Variants in PLD5 observed in about 807,000 individuals in gnomAD.
PLD5 encodes inactive phospholipase D5.
Under a neutral mutation model 61.1 loss-of-function variants are expected in PLD5, and 36 were observed. That is an observed-to-expected ratio of 0.59 (90% confidence interval 0.45 to 0.78). PLD5 has a LOEUF of 0.78. Ranked by LOEUF, PLD5 falls within the 30% of genes least tolerant of loss-of-function variation. The pLI is 0.00. For missense variants in PLD5, 515 were observed against 644.4 expected (o/e 0.80, Z 2.17); for synonymous variants, 243 against 242.8 (o/e 1.00, Z -0.01).
intron 9 of PLD5, among the ~76,000 whole-genome samples, chr1:242,090,654 C>T (rs1235612756): frequency 6.6e-6 from 1 of 152,190 alleles, no homozygotes; most frequent in African/African-American, 2.4e-5. Context: ...GGAAGTGGGG[C>T]AGGTGCTATG....
intron 1 of PLD5, among the ~76,000 whole-genome samples, chr1:242,499,945 G>A (rs764443580): frequency 1.1e-4 from 16 of 152,248 alleles, no homozygotes; most frequent in East Asian, 5.8e-4. Context: ...ATGACCAAAC[G>A]GGGGCTCAAC....
At chr1:242,121,084 T>C (rs1053865961) in intron 6 of PLD5, among the ~76,000 whole-genome samples, 1 of 152,212 alleles carries the variant, frequency 6.6e-6, no homozygotes, top group East Asian at 1.9e-4. Context: ...TATTTTAAGA[T>C]ACAACAAATA....
chr1:242,237,965 T>C (rs1427463562), intron 4 of PLD5, among the ~76,000 whole-genome samples: 1 of 152,194 alleles, frequency 6.6e-6, no homozygotes, highest in Non-Finnish European at 1.5e-5. Flanking sequence ...CCGATGTGTC[T>C]GAACCCTACC....
At chr1:242,107,632 T>C in intron 8 of PLD5, 39 bp downstream of exon 8, 1 of 1,521,976 alleles carries the variant, frequency 6.6e-7, no homozygotes, top group African/African-American at 1.4e-5. Context: ...CAGAGGGCAT[T>C]CACTTTTTAT....
intron 4 of PLD5, among the ~76,000 whole-genome samples, chr1:242,238,556 A>C (rs1413597841): frequency 6.6e-6 from 1 of 152,232 alleles, no homozygotes; most frequent in African/African-American, 2.4e-5. Context: ...CCACGGTCTA[A>C]GTAAAAGAAT....
intron 4 of PLD5, among the ~76,000 whole-genome samples, chr1:242,233,321 A>G (rs1312209047): frequency 6.6e-6 from 1 of 152,214 alleles, no homozygotes; most frequent in Non-Finnish European, 1.5e-5. Context: ...CCTGTTGCCC[A>G]CAGCTACCAA....
At chr1:242,401,488 G>C (rs1663931056) in intron 1 of PLD5, among the ~76,000 whole-genome samples, 1 of 152,110 alleles carries the variant, frequency 6.6e-6, no homozygotes, top group Non-Finnish European at 1.5e-5. Flanking sequence ...TGGCCTGTGA[G>C]GGCCGCCGGG....
intron 2 of PLD5, among the ~76,000 whole-genome samples, chr1:242,316,732 A>T (rs1658023633): frequency 6.6e-6 from 1 of 152,090 alleles, no homozygotes; most frequent in Non-Finnish European, 1.5e-5. Context: ...CCTACTACCC[A>T]TTAGTTATTT....
chr1:242,258,893 G>A (rs528788108), intron 4 of PLD5, among the ~76,000 whole-genome samples: 5 of 151,410 alleles, frequency 3.3e-5, no homozygotes, highest in African/African-American at 9.7e-5. Flanking sequence ...CTGTGTAGAT[G>A]TTTTAGGAAT....
intron 9 of PLD5, 43 bp downstream of exon 9, chr1:242,100,625 T>C: frequency 4.0e-6 from 6 of 1,484,092 alleles, no homozygotes; most frequent in Non-Finnish European, 5.6e-6. Flanking sequence ...TACCACTCCC[T>C]GGGTGACCCC....
upstream of PLD5, among the ~76,000 whole-genome samples, chr1:242,526,528 C>T (rs529424836): frequency 1.2e-4 from 18 of 152,274 alleles, no homozygotes; most frequent in Admixed American, 2.0e-4. Context: ...CTCCGCCTCC[C>T]GGGTTCAAGC....
chr1:242,253,042 C>T (rs1672795632), intron 4 of PLD5, among the ~76,000 whole-genome samples: 2 of 151,334 alleles, frequency 1.3e-5, no homozygotes, highest in Non-Finnish European at 2.9e-5. Flanking sequence ...GTCTCAAACT[C>T]CTGACCTCAT....
intron 2 of PLD5, among the ~76,000 whole-genome samples, chr1:242,302,065 G>A (rs1271262196): frequency 6.6e-6 from 1 of 152,218 alleles, no homozygotes; most frequent in African/African-American, 2.4e-5. Context: ...ACAGGCGTAA[G>A]CCACTGCACC....
At chr1:242,090,904 T>C (rs1659770117) in intron 9 of PLD5, among the ~76,000 whole-genome samples, 1 of 152,112 alleles carries the variant, frequency 6.6e-6, no homozygotes, top group African/African-American at 2.4e-5. Context: ...TTTTTATTTA[T>C]GCTTTTTGGT....
intron 2 of PLD5, among the ~76,000 whole-genome samples, chr1:242,346,665 G>A (rs1172435782): frequency 2.0e-5 from 3 of 152,236 alleles, no homozygotes; most frequent in East Asian, 1.9e-4. Flanking sequence ...TTTAAGTTCA[G>A]GGGTACAAGT....
At chr1:242,373,515 G>T (rs1187272326) in intron 1 of PLD5, among the ~76,000 whole-genome samples, 1 of 152,106 alleles carries the variant, frequency 6.6e-6, no homozygotes, top group Non-Finnish European at 1.5e-5. Flanking sequence ...GTTTATTGTG[G>T]CGCTATTCAC....
At chr1:242,442,235 ATATG>A (rs1176227265) in intron 1 of PLD5, among the ~76,000 whole-genome samples, 1 of 152,226 alleles carries the variant, frequency 6.6e-6, no homozygotes, top group Non-Finnish European at 1.5e-5. Context: ...AAAAATGCTT[ATATG>A]TTTTTTTGTA....
At chr1:242,302,208 T>A (rs1574696333) in intron 2 of PLD5, among the ~76,000 whole-genome samples, 1 of 152,318 alleles carries the variant, frequency 6.6e-6, no homozygotes, top group Admixed American at 6.5e-5. Context: ...ACAGTCTCTA[T>A]CATATAGCCT....
intron 4 of PLD5, among the ~76,000 whole-genome samples, chr1:242,240,842 G>A (rs978974775): frequency 6.6e-6 from 1 of 152,118 alleles, no homozygotes; most frequent in Non-Finnish European, 1.5e-5. Context: ...TCTTCATCCT[G>A]TATGTTGACT....
Sources: allele counts gnomAD v4.1 joint callset (sites outside exome capture counted in the v4.1 genomes callset), GRCh38; gene constraint gnomAD v4.1.1; transcripts MANE v1.5; gene names NCBI Gene and HGNC (gene_info 2026-07-23, HGNC 2026-07-21).